The following PCDHGA6 variants were observed in gnomAD, a reference collection of about 807,000 sequenced individuals.
PCDHGA6 encodes protocadherin gamma-A6.
PCDHGA6 carries 41 observed loss-of-function variants against 60.6 expected under a neutral mutation model. The observed-to-expected ratio is 0.68, with a 90% CI of 0.53 to 0.88. PCDHGA6 has a LOEUF of 0.88. Ranked by LOEUF, PCDHGA6 falls within the 40% of genes least tolerant of loss-of-function variation. The pLI is 0.00. For synonymous variants in PCDHGA6, 594 were observed against 524.4 expected (o/e 1.13, Z -1.81); for missense variants, 1,312 against 1,203.0 (o/e 1.09, Z -1.34).
chr5:141,406,732 G>A (rs1190275382), intron 1 of PCDHGA6, among the ~76,000 whole-genome samples: 1 of 152,142 alleles, frequency 6.6e-6, no homozygotes, highest in Non-Finnish European at 1.5e-5. Context: ...TCTAAGACTG[G>A]ACACTGTGAA....
At chr5:141,433,208 CTTT>C (rs745329085) in intron 1 of PCDHGA6, 6 of 1,292,918 alleles carry the variant, frequency 4.6e-6, no homozygotes, top group East Asian at 2.6e-5. Flanking sequence ...AATCTTCTTT[CTTT>C]TTTTTTTTTA....
intron 1 of PCDHGA6, chr5:141,414,197 T>C: frequency 3.1e-6 from 5 of 1,611,210 alleles, no homozygotes; most frequent in Non-Finnish European, 4.2e-6. Flanking sequence ...TTGATTACAG[T>C]AGAAGATGTA....
rs1182148013 is a variant in PCDHGA6 at position 141,431,510 on chromosome 5, G to A, written c.2424+55003G>A. 2 of 1,613,904 alleles carry A rather than the reference G, an allele frequency of 1.2e-6. No individual in the cohort carries two copies. Among genetic ancestry groups the A allele is most frequent in the Admixed American group, 1.7e-5 (1 of 60,016 alleles). Reference sequence around the variant, plus strand: ...TGCTCAGCCCGAGTACCGCGCGAGCGTTCCGGAGAATCTGGCCTTGGGCAC... The same window carrying A: ...TGCTCAGCCCGAGTACCGCGCGAGCATTCCGGAGAATCTGGCCTTGGGCAC... On this transcript the variant is annotated intron_variant, in intron 1 of 3. Coordinates refer to ENST00000517434, the MANE Select transcript of PCDHGA6 (RefSeq NM_018919.3). The surrounding 1 kb of genome is among the most constrained non-coding windows in gnomAD (Gnocchi z 4.8).
Position 141,491,013 on chromosome 5 carries a change from G to C in PCDHGA6, c.2425-3794G>C. ...CTCCTCCTGGCTCCTTGGTCACCAA[G>C]GTGACAGCCGTGGATGCTGATGCAG... On this transcript the variant is annotated intron_variant, in intron 1 of 3. Transcript: ENST00000517434. The surrounding 1 kb of genome is among the most constrained non-coding windows in gnomAD (Gnocchi z 6.9). 6.2e-7 allele frequency: 1 copy of C among 1,614,144 alleles called. No homozygotes were observed. Among genetic ancestry groups the C allele is most frequent in the Non-Finnish European group, 8.5e-7 (1 of 1,180,040 alleles).
intron 1 of PCDHGA6, 98 bp downstream of exon 1, chr5:141,376,605 G>A (rs1772889995): frequency 1.2e-5 from 18 of 1,502,688 alleles, no homozygotes; most frequent in Middle Eastern, 3.5e-4. Flanking sequence ...TTATAGAAGC[G>A]AACCTCTTTT....
rs1463444937 is a variant in PCDHGA6 at position 141,375,066 on chromosome 5, G to C, written c.983G>C (p.Arg328Pro). The C allele has an allele frequency of 1.2e-6, 2 of 1,613,990 alleles. No homozygotes were observed. The highest frequency in any genetic ancestry group is 2.2e-5 in the East Asian group (1 of 44,876). The change falls in exon 1 of 4, where the codon CGA becomes CCA. Residue 328 changes from arginine to proline, a missense_variant. Physicochemically the swap from Arg to Pro is moderately radical, Grantham distance 103. Transcript: ENST00000517434. ...GAAGCCCGGGATGGGCCAGGTCTTCGAGACAGAGCGAAAGTCTTAATAACT... is the reference window on the plus strand; with the variant it reads ...GAAGCCCGGGATGGGCCAGGTCTTCCAGACAGAGCGAAAGTCTTAATAACT... Reference protein sequence around the residue: ...GVEARDGPGLRDRAKVLITIL... With the variant: ...GVEARDGPGLPDRAKVLITIL...
At chr5:141,387,649 G>T (rs1020449158) in intron 1 of PCDHGA6, 13 of 640,184 alleles carry the variant, frequency 2.0e-5, no homozygotes, top group Non-Finnish European at 3.1e-5. Context: ...TGGCCAAAGT[G>T]GAGAGCTTGG....
Position 141,389,109 on chromosome 5 carries a change from G to A in PCDHGA6, c.2424+12602G>A, listed in dbSNP as rs144915863. On this transcript the variant is annotated intron_variant, in intron 1 of 3. Transcript: ENST00000517434. ...TAAATTAGTGACAGATGCTGTTCTA[G>A]ACCGCGAGCAGAATCCAGAGTACAA... 616 of 1,614,020 alleles carry A rather than the reference G, an allele frequency of 3.8e-4. 2 individuals are homozygous for A. The highest frequency in any genetic ancestry group is 1.2e-3 in the Middle Eastern group (7 of 6,062).
At chr5:141,463,401 A>T (rs57406832) in intron 1 of PCDHGA6, among the ~76,000 whole-genome samples, 25,027 of 149,108 alleles carry the variant, frequency 0.17, 2,158 homozygotes, top group South Asian at 0.22. Context: ...GGCAAAAAAA[A>T]TGGAGATCCT....
At chr5:141,507,680 A>C (rs73794928) in intron 3 of PCDHGA6, among the ~76,000 whole-genome samples, 2,806 of 152,362 alleles carry the variant, frequency 0.018, 91 homozygotes, top group African/African-American at 0.063. Flanking sequence ...GATGTTAAAA[A>C]CAGAAATGAA....
At chr5:141,380,617 C>T (rs1024348906) in intron 1 of PCDHGA6, among the ~76,000 whole-genome samples, 3 of 152,156 alleles carry the variant, frequency 2.0e-5, no homozygotes, top group Admixed American at 6.5e-5. Context: ...TTATGATGTT[C>T]GATAACTTAG....
At chr5:141,419,254 C>A in intron 1 of PCDHGA6, 1 of 1,614,020 alleles carries the variant, frequency 6.2e-7, no homozygotes, top group Non-Finnish European at 8.5e-7. Context: ...CAGAAAACAA[C>A]CAGCCGGGTG....
intron 1 of PCDHGA6, among the ~76,000 whole-genome samples, chr5:141,446,664 G>A (rs116573282): frequency 0.012 from 1,821 of 152,192 alleles, 38 homozygotes; most frequent in African/African-American, 0.042. Context: ...TTTAGTACAA[G>A]ACAGCATTTC....
At position 141,423,563 on chromosome 5, in the gene PCDHGA6, C is replaced by T. The variant is rs745802952; in HGVS notation, c.2424+47056C>T. 9.9e-6 allele frequency: 16 copies of T among 1,613,436 alleles called. No homozygotes were observed. In the Admixed American group the frequency reaches 2.3e-4, roughly 24 times the overall value. ...TTCCCCCAGCCCAACTATGGGGACA[C>T]GCTCATCAGCCAGGAGAGCTGTGAG... On this transcript the variant is annotated intron_variant, in intron 1 of 3. Coordinates refer to ENST00000517434, the MANE Select transcript of PCDHGA6 (RefSeq NM_018919.3).
chr5:141,389,269 A>G, intron 1 of PCDHGA6: 2 of 1,613,976 alleles, frequency 1.2e-6, no homozygotes, highest in Non-Finnish European at 1.7e-6. Flanking sequence ...GTGGCCGAGA[A>G]CAACCCGCCT....
At chr5:141,484,383 A>C (rs968059260) in intron 1 of PCDHGA6, among the ~76,000 whole-genome samples, 1 of 152,194 alleles carries the variant, frequency 6.6e-6, no homozygotes, top group Non-Finnish European at 1.5e-5. Context: ...ATGTCTGAAT[A>C]AGAAAGGTTT....
chr5:141,392,692 C>T, intron 1 of PCDHGA6: 11 of 1,148,308 alleles, frequency 9.6e-6, no homozygotes, highest in Non-Finnish European at 1.3e-5. Flanking sequence ...CGAAACCCGA[C>T]CCCTGTTTGG....
intron 1 of PCDHGA6, among the ~76,000 whole-genome samples, chr5:141,433,853 A>C (rs934981508): frequency 1.3e-5 from 2 of 151,912 alleles, no homozygotes; most frequent in African/African-American, 2.4e-5. Context: ...AAAAAAAAAA[A>C]AACTTTATCC....
chr5:141,418,712 G>A (rs1431536945), intron 1 of PCDHGA6: 1 of 1,613,976 alleles, frequency 6.2e-7, no homozygotes, highest in African/African-American at 1.3e-5. Context: ...CTTTGGTGTG[G>A]CTGACAAAGC....
Sources: allele counts gnomAD v4.1 joint callset (sites outside exome capture counted in the v4.1 genomes callset), GRCh38; gene constraint gnomAD v4.1.1; non-coding constraint Gnocchi (gnomAD v3.1); transcripts MANE v1.5; gene names NCBI Gene and HGNC (gene_info 2026-07-23, HGNC 2026-07-21).